COL4A1: variants seen among roughly 807,000 people sequenced by gnomAD.
The protein encoded by COL4A1 is collagen type IV alpha 1 chain.
Under a neutral mutation model 216.6 loss-of-function variants are expected in COL4A1, and 40 were observed. The ratio of observed to expected loss-of-function variants is 0.18; its 90% CI spans 0.14 to 0.24. The LOEUF (loss-of-function observed/expected upper bound fraction) is 0.24, where lower values mean the gene tolerates loss of function less well. Among genes scored for constraint, COL4A1 ranks in the 10% least tolerant of loss-of-function variants. The pLI, the probability that COL4A1 is intolerant of heterozygous loss-of-function variation, is 1.00. For synonymous variants in COL4A1, 839 were observed against 810.7 expected, an observed-to-expected ratio of 1.03 and a Z score of -0.59; for missense variants, 1,628 against 2,196.8, an observed-to-expected ratio of 0.74 and a Z score of 5.18.
chr13:110,237,937 G>A (rs1056786630), intron 2 of COL4A1, among the ~76,000 whole-genome samples: 3 of 152,242 alleles, frequency 2.0e-5, no homozygotes, highest in East Asian at 1.9e-4. Context: ...TCCTGGGCCA[G>A]CAATGAAATC....
chr13:110,177,756 A>T, intron 33 of COL4A1, 86 bp downstream of exon 33: 2 of 1,418,146 alleles, frequency 1.4e-6, no homozygotes, highest in Non-Finnish European at 2.0e-6. Context: ...TTAAAGGGAA[A>T]TATGATCTAT....
chr13:110,150,000 A>G lies in COL4A1; in HGVS notation c.*363T>C. ...TCTCTGGGGGTAGAAAATTAATTAT[A>G]ATACAAGAATGAAAATGGGCAAACA... On this transcript the variant is annotated 3_prime_UTR_variant, in exon 52 of 52. Transcript: ENST00000375820. 2.9e-6 allele frequency: 1 copy of G among 344,640 alleles called. No individual in the cohort carries two copies. Among genetic ancestry groups the G allele is most frequent in the East Asian group, 7.4e-5 (1 of 13,600 alleles). 21.3% of individuals were successfully genotyped at this position (344,640 alleles called of 1,614,324 possible).
rs374930028 is a variant in COL4A1, at chr13:110,179,330, A to G, written c.2285T>C (p.Val762Ala). 1.9e-4 allele frequency: 310 copies of G among 1,613,896 alleles called. No individual in the cohort carries two copies. The highest frequency in any genetic ancestry group is 2.4e-4 in the Non-Finnish European group (279 of 1,180,020). Residue 762 changes from valine to alanine, a missense_variant, in exon 30 of 52, where the codon GTA becomes GCA. Physicochemically the swap from Val to Ala is moderately conservative, Grantham distance 64. Coordinates refer to ENST00000375820, the MANE Select transcript of COL4A1 (RefSeq NM_001845.6). ...GTPGEKGSIG[V>A]PGVPGEHGAI... ...TCCATGTTCTCCAGGAACGCCTGGT[A>G]CCCCAATGCTCCCCTTCTCCCCGGG...
chr13:110,300,886 A>G (rs893420347), intron 1 of COL4A1, among the ~76,000 whole-genome samples: 1 of 152,234 alleles, frequency 6.6e-6, no homozygotes, highest in Non-Finnish European at 1.5e-5. Flanking sequence ...CCTGGAAAAG[A>G]TTGCTTTAAT....
At chr13:110,173,544 G>A (rs932058272) in intron 40 of COL4A1, among the ~76,000 whole-genome samples, 1 of 151,962 alleles carries the variant, frequency 6.6e-6, no homozygotes, top group Non-Finnish European at 1.5e-5. Flanking sequence ...GGGAAATGCT[G>A]GGCAAAGAAA....
rs538618803 is a variant in COL4A1 at position 110,152,261 on chromosome 13, C to T, written c.4928+73G>A. The T allele has an allele frequency of 1.7e-4, 277 of 1,588,770 alleles. 1 individual carries two copies. The highest frequency in any genetic ancestry group is 3.6e-4 in the Middle Eastern group (2 of 5,520). On this transcript the variant is annotated intron_variant, in intron 51 of 51. Transcript: ENST00000375820. ...TGAGACTTTGCATTGGAAGGTGTTA[C>T]GGATCGCGGATGATTAAAAAATAAA...
intron 1 of COL4A1, among the ~76,000 whole-genome samples, chr13:110,245,932 T>TA (rs1321844978): frequency 6.6e-6 from 1 of 152,052 alleles, no homozygotes; most frequent in Non-Finnish European, 1.5e-5. Flanking sequence ...CCCACCACCT[T>TA]ACGCTTTTTC....
At chr13:110,212,656 C>T (rs768677927) in intron 4 of COL4A1, 38 bp from the exon 5 acceptor site, 11 of 1,611,800 alleles carry the variant, frequency 6.8e-6, no homozygotes, top group Non-Finnish European at 9.3e-6. Context: ...AGTGAAGAGC[C>T]GGGAAGCCTC....
intron 1 of COL4A1, among the ~76,000 whole-genome samples, chr13:110,282,521 T>C (rs1207634456): frequency 6.6e-6 from 1 of 152,208 alleles, no homozygotes; most frequent in African/African-American, 2.4e-5. Context: ...AGATTAGCAA[T>C]GGCAAGCTGG....
At position 110,242,646 on chromosome 13, in the gene COL4A1, ATGT is replaced by A. The variant is rs747746046; in HGVS notation, c.144+26_144+28del. The A allele has an allele frequency of 4.3e-6, 7 of 1,610,218 alleles. No individual in the cohort carries two copies. The South Asian group carries it at 5.5e-5, about 13-fold the overall frequency. On this transcript the variant is annotated intron_variant, in intron 2 of 51. Coordinates refer to ENST00000375820, the MANE Select transcript of COL4A1 (RefSeq NM_001845.6). ...TACTTACTGTCCAATTCACAAAGAA[ATGT>A]TGTGATTTAAATTTCGGCAACTCAC... is the stretch of plus-strand genomic sequence containing the variant.
chr13:110,259,894 C>A (rs1332872629), intron 1 of COL4A1, among the ~76,000 whole-genome samples: 2 of 151,842 alleles, frequency 1.3e-5, no homozygotes, highest in Non-Finnish European at 2.9e-5. Flanking sequence ...CATAGTAGGG[C>A]CACAGCCAAA....
Position 110,242,738 on chromosome 13 carries a change from G to A in COL4A1, c.85-4C>T, listed in dbSNP as rs1300035806. The A allele has an allele frequency of 3.7e-6, 6 of 1,614,158 alleles. No individual in the cohort carries two copies. Among genetic ancestry groups the A allele is most frequent in the South Asian group, 2.2e-5 (2 of 91,082 alleles). On this transcript the variant is annotated splice_region_variant and splice_polypyrimidine_tract_variant and intron_variant, in intron 1 of 51. Coordinates refer to ENST00000375820, the MANE Select transcript of COL4A1 (RefSeq NM_001845.6). ...AGCCAGAGCCAGCACAGCCACCCTG[G>A]AAGGAAAAGAAAACTTCTTTAAATA... is the stretch of plus-strand genomic sequence containing the variant.
intron 1 of COL4A1, among the ~76,000 whole-genome samples, chr13:110,290,809 T>G (rs1470385422): frequency 6.6e-6 from 1 of 152,208 alleles, no homozygotes; most frequent in Non-Finnish European, 1.5e-5. Context: ...TATCACTGCA[T>G]TTGGACCAGC....
At chr13:110,205,257 T>G in intron 17 of COL4A1, 96 bp downstream of exon 17, 1 of 1,451,566 alleles carries the variant, frequency 6.9e-7, no homozygotes, top group East Asian at 2.3e-5. Context: ...TTTTTTTCCC[T>G]TGAGTACAGA....
intron 33 of COL4A1, among the ~76,000 whole-genome samples, chr13:110,177,587 A>G (rs903820281): frequency 1.3e-5 from 2 of 152,158 alleles, no homozygotes; most frequent in African/African-American, 4.8e-5. Flanking sequence ...TCTCACAAGA[A>G]GAATCTCATC....
chr13:110,176,690 T>C lies in COL4A1; in HGVS notation c.2904A>G (p.Arg968=). Residue 968 remains arginine, a synonymous_variant, in exon 35 of 52, where the codon CGA becomes CGG. Coordinates refer to ENST00000375820, the MANE Select transcript of COL4A1 (RefSeq NM_001845.6). Reference sequence around the variant, plus strand: ...GCACTCCTGGGGTCCCAGGGTCTCCTCGGGATCCCTTCTCACCAATTGGTC... The same window carrying C: ...GCACTCCTGGGGTCCCAGGGTCTCCCCGGGATCCCTTCTCACCAATTGGTC... ...QIGPIGEKGS[R]GDPGTPGVPG... is the part of the protein sequence containing the mutation. The C allele has an allele frequency of 6.2e-7, 1 of 1,614,172 alleles. No individual in the cohort carries two copies.
At chr13:110,247,734 T>C (rs1594086456) in intron 1 of COL4A1, among the ~76,000 whole-genome samples, 1 of 151,804 alleles carries the variant, frequency 6.6e-6, no homozygotes, top group Admixed American at 6.6e-5. Flanking sequence ...GCTCACTCAT[T>C]CTGTTTACAG....
chr13:110,246,282 G>C (rs567829833), intron 1 of COL4A1, among the ~76,000 whole-genome samples: 1 of 151,778 alleles, frequency 6.6e-6, no homozygotes, highest in African/African-American at 2.4e-5. Context: ...ATAAGGGCCC[G>C]TGCTGGGTTT....
At chr13:110,185,675 C>T (rs7325512) in intron 26 of COL4A1, among the ~76,000 whole-genome samples, 54,047 of 151,928 alleles carry the variant, frequency 0.36, 9,636 homozygotes, top group East Asian at 0.45. Flanking sequence ...AGATAATAAA[C>T]TATTAGCACC....
Sources: allele counts gnomAD v4.1 joint callset (sites outside exome capture counted in the v4.1 genomes callset), GRCh38; gene constraint gnomAD v4.1.1; transcripts MANE v1.5; gene names NCBI Gene and HGNC (gene_info 2026-07-23, HGNC 2026-07-21).